SERPINE3: variants seen among roughly 807,000 people sequenced by gnomAD.
SERPINE3 encodes serpin family E member 3.
SERPINE3 carries 43 observed loss-of-function variants against 41.7 expected under a neutral mutation model. That is an observed-to-expected ratio of 1.03 (90% confidence interval 0.81 to 1.33). The LOEUF (loss-of-function observed/expected upper bound fraction) is 1.33, where lower values mean the gene tolerates loss of function less well. SERPINE3 is among the 40% of genes most tolerant of loss of function. SERPINE3 has a pLI of 0.00. For missense variants in SERPINE3, 440 were observed against 491.7 expected, an observed-to-expected ratio of 0.89 and a Z score of 0.99; for synonymous variants, 200 against 192.2, an observed-to-expected ratio of 1.04 and a Z score of -0.34.
chr13:51,347,937 G>A (rs1031021875), intron 5 of SERPINE3, among the ~76,000 whole-genome samples: 4 of 148,608 alleles, frequency 2.7e-5, no homozygotes, highest in African/African-American at 1.0e-4. Context: ...TACTCTATGT[G>A]GTTCTGCATG....
intron 7 of SERPINE3, among the ~76,000 whole-genome samples, chr13:51,356,782 CTT>C (rs10563020): frequency 0.047 from 6,949 of 146,932 alleles, 183 homozygotes; most frequent in East Asian, 0.1. Context: ...GATACGAAAC[CTT>C]TTTTTTTTTT....
intron 7 of SERPINE3, among the ~76,000 whole-genome samples, chr13:51,360,876 T>C (rs1483561328): frequency 6.6e-6 from 1 of 151,980 alleles, no homozygotes; most frequent in Non-Finnish European, 1.5e-5. Flanking sequence ...ATTCCCGGGC[T>C]ACAGAATCTG....
chr13:51,358,945 G>A (rs146588462), intron 7 of SERPINE3, among the ~76,000 whole-genome samples: 64 of 150,760 alleles, frequency 4.2e-4, no homozygotes, highest in African/African-American at 1.1e-3. Context: ...ATGGTTAAAC[G>A]CTATGTATTA....
intron 6 of SERPINE3, among the ~76,000 whole-genome samples, chr13:51,349,687 C>T (rs1204273468): frequency 6.6e-6 from 1 of 152,186 alleles, no homozygotes; most frequent in Admixed American, 6.5e-5. Flanking sequence ...CTCCACCGTC[C>T]TGATTCTGCT....
intron 5 of SERPINE3, 33 bp downstream of exon 5, chr13:51,347,267 G>A (rs1955357004): frequency 1.3e-6 from 2 of 1,594,462 alleles, no homozygotes; most frequent in South Asian, 2.2e-5. Context: ...TGTCTAAAGG[G>A]AGAGGAAGCC....
chr13:51,358,547 T>A lies in SERPINE3; in HGVS notation c.1001-2731T>A, dbSNP rs554382826. On this transcript the variant is annotated intron_variant, in intron 7 of 9. Transcript: ENST00000681248. ...ACACCAATCAGCATTTCCTTACAAG[T>A]TTAACAAGGTTAAAGAACATTAAGG... Among the ~76,000 whole-genome samples, 6 of 152,224 alleles carry A rather than the reference T, an allele frequency of 3.9e-5. No individual in the cohort carries two copies. The South Asian group carries it at 1.2e-3, about 32-fold the overall frequency.
intron 9 of SERPINE3, chr13:51,362,178 C>A (rs1955591903): frequency 6.7e-6 from 5 of 750,244 alleles, no homozygotes; most frequent in South Asian, 2.9e-5. Flanking sequence ...TCTGAAGACA[C>A]TTGGAAAAAT....
chr13:51,341,534 A>G (rs928092513), intron 3 of SERPINE3, among the ~76,000 whole-genome samples, 187 bp downstream of exon 3: 3 of 152,298 alleles, frequency 2.0e-5, no homozygotes, highest in Non-Finnish European at 4.4e-5. Flanking sequence ...TCAGCTCCCT[A>G]TGGTGTGCAC....
Position 51,344,445 on chromosome 13 carries a change from C to A in SERPINE3, c.450C>A (p.Thr150=), listed in dbSNP as rs761180124. 8 of 1,604,216 alleles carry A rather than the reference C, an allele frequency of 5.0e-6. No individual in the cohort carries two copies. Among genetic ancestry groups the A allele is most frequent in the South Asian group, 2.2e-5 (2 of 89,390 alleles). Residue 150 remains threonine (T), a synonymous_variant, in exon 4 of 10, where the codon ACC becomes ACA. Coordinates refer to ENST00000681248, the MANE Select transcript of SERPINE3 (RefSeq NM_001386375.1). ...CCGACCTCAGTGAGCCCAATAGCACCGCCATCCAGACTAGCGAAGGGGCCT... is the reference window on the plus strand; with the variant it reads ...CCGACCTCAGTGAGCCCAATAGCACAGCCATCCAGACTAGCGAAGGGGCCT... ...EPADLSEPNS[T]AIQTSEGASR...
intron 6 of SERPINE3, among the ~76,000 whole-genome samples, chr13:51,351,549 T>C (rs895879428): frequency 3.9e-5 from 6 of 152,158 alleles, no homozygotes; most frequent in Non-Finnish European, 7.4e-5. Context: ...TTAACAGATA[T>C]ATGATTTGTA....
chr13:51,363,673 T>C (rs1955628690), intron 9 of SERPINE3: 1 of 151,884 alleles, frequency 6.6e-6, no homozygotes, highest in Non-Finnish European at 1.5e-5. Flanking sequence ...ATTTAACTAA[T>C]ATACCCATTT....
intron 9 of SERPINE3, chr13:51,364,005 C>T (rs1955635837): frequency 3.3e-6 from 1 of 305,416 alleles, no homozygotes; most frequent in Non-Finnish European, 5.9e-6. Flanking sequence ...ACTTCTAATT[C>T]CTCCTAGTAA....
intron 6 of SERPINE3, 108 bp downstream of exon 6, chr13:51,348,519 G>A: frequency 1.2e-6 from 1 of 846,878 alleles, no homozygotes; most frequent in Non-Finnish European, 1.8e-6. Context: ...CCACTGGGAT[G>A]ACTTGTTTAA....
At chr13:51,349,582 C>T (rs987734627) in intron 6 of SERPINE3, among the ~76,000 whole-genome samples, 3 of 152,150 alleles carry the variant, frequency 2.0e-5, no homozygotes, top group Non-Finnish European at 2.9e-5. Context: ...TTCGCCACAA[C>T]CTTTTTGGGT....
At chr13:51,345,972 T>C (rs1955342237) in intron 4 of SERPINE3, among the ~76,000 whole-genome samples, 1 of 152,276 alleles carries the variant, frequency 6.6e-6, no homozygotes, top group African/African-American at 2.4e-5. Context: ...GCAATCCACA[T>C]TGCATTGGGT....
intron 7 of SERPINE3, among the ~76,000 whole-genome samples, chr13:51,359,420 C>T (rs1248552504): frequency 6.6e-6 from 1 of 152,100 alleles, no homozygotes; most frequent in Non-Finnish European, 1.5e-5. Context: ...TGGGGCATGA[C>T]ATAGGCTATG....
intron 6 of SERPINE3, among the ~76,000 whole-genome samples, chr13:51,352,192 T>C (rs948493612): frequency 6.6e-6 from 1 of 152,110 alleles, no homozygotes; most frequent in Non-Finnish European, 1.5e-5. Flanking sequence ...TGCAGATCAA[T>C]TTGGTGAGTA....
rs1363107306 is a variant in SERPINE3 at position 51,361,251 on chromosome 13, C to T, written c.1001-27C>T. 5.4e-6 allele frequency: 8 copies of T among 1,472,378 alleles called. No individual in the cohort carries two copies. The Admixed American group carries it at 7.0e-5, about 13-fold the overall frequency. The allele number at this position is 1,472,378 out of a possible 1,614,324, so 91.2% of individuals were successfully genotyped here. ...GTTAGAAAAATGTTAATGAGCAACTCACATTTTTATCATTTTCTGTGGTTA... is the reference window on the plus strand; with the variant it reads ...GTTAGAAAAATGTTAATGAGCAACTTACATTTTTATCATTTTCTGTGGTTA... On this transcript the variant is annotated intron_variant, in intron 7 of 9. Coordinates refer to ENST00000681248, the MANE Select transcript of SERPINE3 (RefSeq NM_001386375.1).
At chr13:51,341,444 C>G in intron 3 of SERPINE3, 97 bp downstream of exon 3, 1 of 1,173,614 alleles carries the variant, frequency 8.5e-7, no homozygotes, top group Non-Finnish European at 1.2e-6. Flanking sequence ...CTCACTCTCT[C>G]CAGCTTACCC....
Sources: gnomAD v4.1 joint callset for allele counts (sites outside exome capture counted in the v4.1 genomes callset) on GRCh38, gnomAD v4.1.1 for gene constraint, MANE v1.5 for transcripts, NCBI Gene and HGNC (gene_info 2026-07-23, HGNC 2026-07-21) for gene names.